The following PCED1B variants were observed in gnomAD, a reference collection of about 807,000 sequenced individuals.
PCED1B encodes the protein PC-esterase domain-containing protein 1B.
For missense variants in PCED1B, 573 were observed against 573.9 expected, an observed-to-expected ratio of 1.00 and a Z score of 0.02; for synonymous variants, 251 against 246.1, an observed-to-expected ratio of 1.02 and a Z score of -0.19.
chr12:47,168,144 T>A (rs1941604518), intron 2 of PCED1B, among the ~76,000 whole-genome samples: 1 of 152,262 alleles, frequency 6.6e-6, no homozygotes, highest in South Asian at 2.1e-4. Context: ...TTACCTGGTT[T>A]ACTTGTGTGT....
rs140662142 is a variant in PCED1B at position 47,205,064 on chromosome 12, G to A, written c.-525-11158G>A. Among the ~76,000 whole-genome samples the A allele has an allele frequency of 5.3e-4, 80 of 152,282 alleles. No individual in the cohort carries two copies. The East Asian group carries it at 0.012, about 23-fold the overall frequency. On this transcript the variant is annotated intron_variant, in intron 2 of 3. Coordinates refer to ENST00000546455, the MANE Select transcript of PCED1B (RefSeq NM_138371.3). ...GTGCAGAGCCACAGTATGGGAGACT[G>A]GAGTTTTATTATTACTCAAATCAGC... is the stretch of plus-strand genomic sequence containing the variant.
chr12:47,142,830 G>A (rs2091294), intron 2 of PCED1B, among the ~76,000 whole-genome samples: 82,278 of 151,572 alleles, frequency 0.54, 23,918 homozygotes, highest in Non-Finnish European at 0.63. Context: ...GAAGCCATGC[G>A]ATACTATCAA....
At chr12:47,102,535 A>T (rs1385877015) in intron 1 of PCED1B, among the ~76,000 whole-genome samples, 1 of 152,200 alleles carries the variant, frequency 6.6e-6, no homozygotes, top group East Asian at 1.9e-4. Context: ...CCAGGGCAAC[A>T]CATTTTGCTA....
chr12:47,109,944 T>C (rs954327092), intron 2 of PCED1B, among the ~76,000 whole-genome samples: 1 of 152,192 alleles, frequency 6.6e-6, no homozygotes, highest in Non-Finnish European at 1.5e-5. Flanking sequence ...TCTATGATTC[T>C]AAACCATGTT....
At chr12:47,183,814 T>C (rs980408335) in intron 2 of PCED1B, among the ~76,000 whole-genome samples, 1 of 152,178 alleles carries the variant, frequency 6.6e-6, no homozygotes, top group African/African-American at 2.4e-5. Context: ...TTTTTTATGT[T>C]TTAATAGACT....
chr12:47,160,292 T>TC (rs1433556884), intron 2 of PCED1B, among the ~76,000 whole-genome samples: 1 of 127,238 alleles, frequency 7.9e-6, no homozygotes, highest in African/African-American at 2.9e-5. Flanking sequence ...TTTTTCTTTT[T>TC]CTTTTTTTTT....
intron 3 of PCED1B, among the ~76,000 whole-genome samples, chr12:47,226,696 G>T (rs1397302543): frequency 6.6e-6 from 1 of 152,078 alleles, no homozygotes; most frequent in Non-Finnish European, 1.5e-5. Flanking sequence ...TTCATACCTA[G>T]TCCTTGCACC....
At chr12:47,228,432 A>G (rs371928751) in intron 3 of PCED1B, among the ~76,000 whole-genome samples, 24 of 152,224 alleles carry the variant, frequency 1.6e-4, no homozygotes, top group East Asian at 1.5e-3. Context: ...CTTCATGACC[A>G]TCTCTCCTGG....
intron 2 of PCED1B, among the ~76,000 whole-genome samples, chr12:47,166,350 C>T (rs769214067): frequency 6.6e-6 from 1 of 152,146 alleles, no homozygotes; most frequent in Admixed American, 6.5e-5. Flanking sequence ...GCCCAGTAGC[C>T]TCTATATGGA....
At chr12:47,219,320 A>G (rs960487836) in intron 3 of PCED1B, among the ~76,000 whole-genome samples, 1 of 152,158 alleles carries the variant, frequency 6.6e-6, no homozygotes, top group Non-Finnish European at 1.5e-5. Context: ...TTTAAGAAGT[A>G]AAAAACTAAG....
At chr12:47,138,910 GATA>G (rs540841586) in intron 2 of PCED1B, among the ~76,000 whole-genome samples, 55 of 152,230 alleles carry the variant, frequency 3.6e-4, no homozygotes, top group Admixed American at 1.2e-3. Context: ...GTGCCTTTGG[GATA>G]ATGTTTTTCA....
At chr12:47,164,519 A>G (rs886920593) in intron 2 of PCED1B, among the ~76,000 whole-genome samples, 1 of 152,172 alleles carries the variant, frequency 6.6e-6, no homozygotes, top group Non-Finnish European at 1.5e-5. Flanking sequence ...CCCCACCTCA[A>G]TGGCCTTGCT....
At chr12:47,089,461 C>CATATATAT (rs1217283440) in intron 1 of PCED1B, among the ~76,000 whole-genome samples, 3,050 of 62,958 alleles carry the variant, frequency 0.048, 125 homozygotes, top group Non-Finnish European at 0.06. Flanking sequence ...AAAAAAAATA[C>CATATATAT]ATATATATAT....
intron 2 of PCED1B, among the ~76,000 whole-genome samples, chr12:47,185,557 C>CG (rs1159693388): frequency 6.6e-6 from 1 of 151,640 alleles, no homozygotes; most frequent in Admixed American, 6.6e-5. Context: ...GGAAGGCTGA[C>CG]GGGGGTGGAT....
At chr12:47,194,193 G>C (rs533139252) in intron 2 of PCED1B, among the ~76,000 whole-genome samples, 1 of 152,138 alleles carries the variant, frequency 6.6e-6, no homozygotes, top group Admixed American at 6.5e-5. Flanking sequence ...TTTTTATTTT[G>C]AGATGGAGTC....
chr12:47,168,234 C>T (rs533787684), intron 2 of PCED1B, among the ~76,000 whole-genome samples: 2 of 152,314 alleles, frequency 1.3e-5, no homozygotes, highest in South Asian at 4.1e-4. Flanking sequence ...AAGCCTCCTT[C>T]TGTCTCTTCT....
chr12:47,102,640 A>G (rs780790349), intron 1 of PCED1B, among the ~76,000 whole-genome samples: 2 of 152,162 alleles, frequency 1.3e-5, no homozygotes, highest in African/African-American at 2.4e-5. Context: ...CTTGGGTTTG[A>G]GTTACAGTCC....
Position 47,092,387 on chromosome 12 carries a change from C to T in PCED1B, c.-608-11726C>T, listed in dbSNP as rs144613981. Among the ~76,000 whole-genome samples, 1,000 of 152,090 alleles carry T rather than the reference C, an allele frequency of 6.6e-3. 7 individuals are homozygous for T. The highest frequency in any genetic ancestry group is 0.024 in the Middle Eastern group (7 of 294). On this transcript the variant is annotated intron_variant, in intron 1 of 3. Transcript: ENST00000546455. ...TGTTGACTGTATATCCGGTTCCCTT[C>T]CTATATTCTCTTATTAATTCTAAGA...
chr12:47,098,525 C>T (rs993066291), intron 1 of PCED1B, among the ~76,000 whole-genome samples: 12 of 152,154 alleles, frequency 7.9e-5, no homozygotes, highest in Non-Finnish European at 1.3e-4. Context: ...GTCTGTCGCC[C>T]AGGCTGGAGT....
Sources: gnomAD v4.1 joint callset for allele counts (sites outside exome capture counted in the v4.1 genomes callset) on GRCh38, gnomAD v4.1.1 for gene constraint, MANE v1.5 for transcripts, NCBI Gene and HGNC (gene_info 2026-07-23, HGNC 2026-07-21) for gene names.